Variants in RB1CC1 observed in about 807,000 individuals in gnomAD.
RB1CC1 encodes the protein RB1-inducible coiled-coil protein 1.
Under a neutral mutation model 177.5 loss-of-function variants are expected in RB1CC1, and 46 were observed. The ratio of observed to expected loss-of-function variants is 0.26; its 90% CI spans 0.20 to 0.33. RB1CC1 has a LOEUF of 0.33. Among genes scored for constraint, RB1CC1 ranks in the 10% least tolerant of loss-of-function variants. The pLI, the probability that RB1CC1 is intolerant of heterozygous loss-of-function variation, is 1.00. For missense variants in RB1CC1, 1,703 were observed against 1,816.3 expected, an observed-to-expected ratio of 0.94 and a Z score of 1.13; for synonymous variants, 666 against 613.6, an observed-to-expected ratio of 1.09 and a Z score of -1.26.
chr8:52,635,622 T>C (rs1849082782), intron 19 of RB1CC1, among the ~76,000 whole-genome samples: 1 of 152,152 alleles, frequency 6.6e-6, no homozygotes, highest in Non-Finnish European at 1.5e-5. Context: ...CTTATTTTTG[T>C]TTTTGCCAAT....
At chr8:52,701,787 T>C (rs1359126744) in intron 1 of RB1CC1, among the ~76,000 whole-genome samples, 6 of 151,218 alleles carry the variant, frequency 4.0e-5, no homozygotes, top group Non-Finnish European at 8.8e-5. Context: ...ACTAAAGTCT[T>C]CTTTGAAAAA....
At chr8:52,705,078 T>A (rs988564746) in intron 1 of RB1CC1, among the ~76,000 whole-genome samples, 2 of 152,200 alleles carry the variant, frequency 1.3e-5, no homozygotes, top group Non-Finnish European at 2.9e-5. Flanking sequence ...ATAAACTGCC[T>A]ACCATATATA....
intron 16 of RB1CC1, chr8:52,643,246 T>C (rs2150414389): frequency 6.5e-6 from 1 of 154,642 alleles, no homozygotes; most frequent in South Asian, 2.0e-4. Flanking sequence ...TCTGCAATGG[T>C]CACTGGAATG....
Position 52,657,227 on chromosome 8 carries a change from G to A in RB1CC1, c.2602C>T (p.Leu868=), listed in dbSNP as rs1339807602. The change falls in exon 15 of 24, where the codon CTG becomes TTG. Residue 868 remains leucine, a synonymous_variant. Coordinates refer to ENST00000025008, the MANE Select transcript of RB1CC1 (RefSeq NM_014781.5). ...CCTTCATATTCATTTTTTAAAGACA[G>A]TAGTTCTTTTTGATGTTTTTCTTTT... is the stretch of plus-strand genomic sequence containing the variant. ...TLKEKHQKEL[L]SLKNEYEGKL... 4 of 1,595,150 alleles carry A rather than the reference G, an allele frequency of 2.5e-6. No homozygotes were observed. The highest frequency in any genetic ancestry group is 4.5e-5 in the East Asian group (2 of 44,678).
At chr8:52,684,434 GATT>G (rs1333543235) in intron 3 of RB1CC1, among the ~76,000 whole-genome samples, 1 of 152,130 alleles carries the variant, frequency 6.6e-6, no homozygotes, top group Non-Finnish European at 1.5e-5. Flanking sequence ...TTACAACAAA[GATT>G]ATTATTTCAC....
chr8:52,657,363 A>G lies in RB1CC1; in HGVS notation c.2466T>C (p.Phe822=), dbSNP rs201767568. The G allele has an allele frequency of 8.7e-6, 14 of 1,614,042 alleles. No individual in the cohort carries two copies. The African/African-American group carries it at 9.3e-5, about 11-fold the overall frequency. The change falls in exon 15 of 24, where the codon TTT becomes TTC. Residue 822 remains phenylalanine (F), a synonymous_variant. Coordinates refer to ENST00000025008, the MANE Select transcript of RB1CC1 (RefSeq NM_014781.5). The part of the protein sequence containing the change: ...IQTIKEDLCH[F]RTFVQKEQCD... ...ACTGTTCTTTTTGTACAAATGTTCT[A>G]AAGTGGCAAAGGTCTTCCTTAATGG...
Position 52,661,144 on chromosome 8 carries a change from G to A in RB1CC1, c.1496C>T (p.Ala499Val). The A allele has an allele frequency of 6.2e-7, 1 of 1,613,700 alleles. No homozygotes were observed. The highest frequency in any genetic ancestry group is 8.5e-7 in the Non-Finnish European group (1 of 1,179,804). ...TTTTCTTCTTACAACCTCAACAACA[G>A]CTAAGCAGTACATCTGAGGAACTGT... Reference protein sequence around the residue: ...LSTVPQMYCLAVVEVVRRKMF... With the variant: ...LSTVPQMYCLVVVEVVRRKMF... The change falls in exon 10 of 24, where the codon GCT becomes GTT. Residue 499 changes from alanine to valine, a missense_variant. Coordinates refer to ENST00000025008, the MANE Select transcript of RB1CC1 (RefSeq NM_014781.5).
chr8:52,673,799 T>G (rs772596476), intron 7 of RB1CC1, 46 bp downstream of exon 7: 5 of 1,475,978 alleles, frequency 3.4e-6, no homozygotes, highest in Admixed American at 4.3e-5. Flanking sequence ...ATAAATAATA[T>G]AAAGTAGTAA....
intron 7 of RB1CC1, among the ~76,000 whole-genome samples, 170 bp from the exon 8 acceptor site, chr8:52,668,361 AATATCCTTG>A (rs1158762298): frequency 3.3e-5 from 5 of 152,228 alleles, no homozygotes; most frequent in African/African-American, 1.2e-4. Context: ...GTACAGGATA[AATATCCTTG>A]ACAACACTGA....
At chr8:52,646,288 C>T (rs757466950) in intron 15 of RB1CC1, among the ~76,000 whole-genome samples, 2 of 151,748 alleles carry the variant, frequency 1.3e-5, no homozygotes, top group Non-Finnish European at 2.9e-5. Context: ...AAAGTGAGAC[C>T]CCGTCTCTTA....
intron 1 of RB1CC1, among the ~76,000 whole-genome samples, chr8:52,703,652 T>C (rs924598750): frequency 6.6e-6 from 1 of 152,246 alleles, no homozygotes; most frequent in Non-Finnish European, 1.5e-5. Context: ...CAGCCCATAC[T>C]TCAAATTCCA....
intron 15 of RB1CC1, among the ~76,000 whole-genome samples, chr8:52,649,634 T>A (rs1409732729): frequency 6.6e-6 from 1 of 152,170 alleles, no homozygotes; most frequent in Non-Finnish European, 1.5e-5. Context: ...AGACTCCGTC[T>A]CAAAAAAATA....
Position 52,656,967 on chromosome 8 carries a change from T to G in RB1CC1, c.2862A>C (p.Ser954=), listed in dbSNP as rs1851133513. The G allele has an allele frequency of 6.2e-7, 1 of 1,613,706 alleles. No homozygotes were observed. Residue 954 remains serine (S), a synonymous_variant, in exon 15 of 24, where the codon TCA becomes TCC. Coordinates refer to ENST00000025008, the MANE Select transcript of RB1CC1 (RefSeq NM_014781.5). ...TTAAGTCTTCTAACACTATTTCTCG[T>G]GACTGCTTCAGTTCTTTAATTTCAC... ...QNCEIKELKQ[S]REIVLEDLKK...
chr8:52,654,394 A>C (rs1850895142), intron 15 of RB1CC1, among the ~76,000 whole-genome samples: 1 of 152,252 alleles, frequency 6.6e-6, no homozygotes, highest in African/African-American at 2.4e-5. Context: ...GCAGAAAAGC[A>C]GCACAGGTTT....
At chr8:52,625,601 C>T (rs1028393345) in intron 22 of RB1CC1, among the ~76,000 whole-genome samples, 1 of 152,264 alleles carries the variant, frequency 6.6e-6, no homozygotes, top group East Asian at 1.9e-4. Context: ...GTTGAAAATG[C>T]ATTTAATACT....
intron 6 of RB1CC1, 73 bp from the exon 7 acceptor site, chr8:52,674,347 T>C: frequency 3.1e-6 from 4 of 1,296,038 alleles, no homozygotes; most frequent in Non-Finnish European, 4.4e-6. Flanking sequence ...TTGAATGAAA[T>C]CACATATTAT....
At chr8:52,641,405 TTAAAA>T (rs754857648) in intron 18 of RB1CC1, among the ~76,000 whole-genome samples, 24 of 126,118 alleles carry the variant, frequency 1.9e-4, no homozygotes, top group African/African-American at 5.4e-4. Context: ...AAAAAAAAAA[TTAAAA>T]TAAAATAAAA....
At chr8:52,636,641 C>T (rs991401763) in intron 18 of RB1CC1, among the ~76,000 whole-genome samples, 2 of 152,202 alleles carry the variant, frequency 1.3e-5, no homozygotes, top group Non-Finnish European at 2.9e-5. Context: ...TCTTCTTCAA[C>T]ATGCTACTTC....
intron 12 of RB1CC1, among the ~76,000 whole-genome samples, chr8:52,659,265 G>A (rs1003034666): frequency 6.6e-5 from 10 of 152,008 alleles, no homozygotes; most frequent in African/African-American, 1.7e-4. Flanking sequence ...TCCTGTATGT[G>A]TATGTATGTA....
Sources: gnomAD v4.1 joint callset for allele counts (sites outside exome capture counted in the v4.1 genomes callset) on GRCh38, gnomAD v4.1.1 for gene constraint, MANE v1.5 for transcripts, NCBI Gene and HGNC (gene_info 2026-07-23, HGNC 2026-07-21) for gene names.